CCNT2: variants seen among roughly 807,000 people sequenced by gnomAD.
CCNT2 encodes the protein cyclin T2, also known as cyclin-T2.
A neutral mutation model predicts 70.0 loss-of-function variants in CCNT2; 18 were observed. The observed-to-expected ratio is 0.26, with a 90% confidence interval of 0.18 to 0.38. The LOEUF (loss-of-function observed/expected upper bound fraction) is 0.38, where lower values mean the gene tolerates loss of function less well. Among genes scored for constraint, CCNT2 ranks in the 10% least tolerant of loss-of-function variants. The pLI, the probability that CCNT2 is intolerant of heterozygous loss-of-function variation, is 1.00. For missense variants in CCNT2, 734 were observed against 890.2 expected, an observed-to-expected ratio of 0.82 and a Z score of 2.23; for synonymous variants, 334 against 313.3, an observed-to-expected ratio of 1.07 and a Z score of -0.70.
chr2:134,957,522 A>G lies in CCNT2; in HGVS notation c.*2874A>G, dbSNP rs1028375946. The G allele has an allele frequency of 6.6e-6, 1 of 152,156 alleles. No individual in the cohort carries two copies. Among genetic ancestry groups the G allele is most frequent in the African/African-American group, 2.4e-5 (1 of 41,446 alleles). 9.4% of individuals were successfully genotyped at this position (152,156 alleles called of 1,614,324 possible). Reference sequence around the variant, plus strand: ...TCTACCTCTTCCATTCAGTTTTCCAATATTGAGCTGTGTCCCTCTGAATAT... The same window carrying G: ...TCTACCTCTTCCATTCAGTTTTCCAGTATTGAGCTGTGTCCCTCTGAATAT... On this transcript the variant is annotated 3_prime_UTR_variant, in exon 9 of 9. Transcript: ENST00000264157.
Position 134,953,745 on chromosome 2 carries a change from T to G in CCNT2, c.1290T>G (p.Ile430Met), listed in dbSNP as rs1682709710. The change falls in exon 9 of 9, where the codon ATT becomes ATG. Residue 430 changes from isoleucine (I) to methionine (M), a missense_variant. Around this residue, in one of 3 missense-constraint regions of CCNT2, gnomAD observed 532 missense variants for 556.9 expected, o/e 0.96. Transcript: ENST00000264157. ...CAATTTCCACTACTCCAGGAATAATTCCTCAGAAAATGTCTTTAGATAAAT... is the reference window on the plus strand; with the variant it reads ...CAATTTCCACTACTCCAGGAATAATGCCTCAGAAAATGTCTTTAGATAAAT... ...HGPISTTPGI[I>M]PQKMSLDKYR... 5 of 1,614,022 alleles carry G rather than the reference T, an allele frequency of 3.1e-6. No individual in the cohort carries two copies. Among genetic ancestry groups the G allele is most frequent in the Non-Finnish European group, 3.4e-6 (4 of 1,179,992 alleles).
chr2:134,925,099 C>T (rs1403805755), intron 2 of CCNT2, among the ~76,000 whole-genome samples: 1 of 152,138 alleles, frequency 6.6e-6, no homozygotes, highest in African/African-American at 2.4e-5. Context: ...TGTTAATGTT[C>T]TTTGGTCAGA....
intron 6 of CCNT2, among the ~76,000 whole-genome samples, chr2:134,947,314 A>T (rs1682055076): frequency 6.6e-6 from 1 of 152,194 alleles, no homozygotes; most frequent in Admixed American, 6.5e-5. Context: ...TTATTGTGAG[A>T]TTGAAATTAC....
intron 7 of CCNT2, among the ~76,000 whole-genome samples, chr2:134,950,196 G>A (rs2105082185): frequency 6.6e-6 from 1 of 152,314 alleles, no homozygotes. Context: ...CAGAGGTTAG[G>A]TTGTGGTTTA....
Position 134,918,961 on chromosome 2 carries a change from G to A in CCNT2, c.107G>A (p.Cys36Tyr). 1 of 1,613,760 alleles carries A rather than the reference G, an allele frequency of 6.2e-7. No individual in the cohort carries two copies. The highest frequency in any genetic ancestry group is 2.2e-5 in the East Asian group (1 of 44,858). The change falls in exon 1 of 9, where the codon TGC becomes TAC. Residue 36 changes from cysteine to tyrosine, a missense_variant. Transcript: ENST00000264157. Reference protein sequence around the residue: ...CGVEADKELSCRQQAANLIQE... With the variant: ...CGVEADKELSYRQQAANLIQE... ...GTGGAGGCGGATAAAGAGCTCTCGT[G>A]CCGCCAGCAGGCGGCCAACCTCATC...
rs147418434 is a variant in CCNT2, at chr2:134,919,527, G to C, written c.159-283G>C. On this transcript the variant is annotated intron_variant, in intron 1 of 8. Coordinates refer to ENST00000264157, the MANE Select transcript of CCNT2 (RefSeq NM_058241.3). Reference sequence around the variant, plus strand: ...GGGTGTGTGCGCGCGCGTTTCAACTGTTTCATTTTGAGTTTAGTTAGTCGT... The same window carrying C: ...GGGTGTGTGCGCGCGCGTTTCAACTCTTTCATTTTGAGTTTAGTTAGTCGT... Among the ~76,000 whole-genome samples, 383 of 152,216 alleles carry C rather than the reference G, an allele frequency of 2.5e-3. 1 individual carries two copies. Among genetic ancestry groups the C allele is most frequent in the African/African-American group, 8.7e-3 (362 of 41,526 alleles).
intron 5 of CCNT2, chr2:134,944,009 A>G (rs1573840073): frequency 3.1e-6 from 3 of 983,018 alleles, no homozygotes; most frequent in Non-Finnish European, 3.6e-6. Flanking sequence ...GTTAGTGGCT[A>G]CAATTTTTTA....
rs1007091937 is a variant in CCNT2 at position 134,959,291 on chromosome 2, T to A, written c.*4643T>A. 5 of 152,368 alleles carry A rather than the reference T, an allele frequency of 3.3e-5. No homozygotes were observed. The highest frequency in any genetic ancestry group is 1.2e-4 in the African/African-American group (5 of 41,592). The allele number at this position is 152,368 out of a possible 1,614,324, so 9.4% of individuals were successfully genotyped here. Reference sequence around the variant, plus strand: ...TATGGCATGAATTAGTCATTGACTTTAAGCTTCTTATCCATACAAGGAACT... The same window carrying A: ...TATGGCATGAATTAGTCATTGACTTAAAGCTTCTTATCCATACAAGGAACT... On this transcript the variant is annotated 3_prime_UTR_variant, in exon 9 of 9. Coordinates refer to ENST00000264157, the MANE Select transcript of CCNT2 (RefSeq NM_058241.3).
Position 134,922,130 on chromosome 2 carries a change from C to T in CCNT2, c.240+2239C>T, listed in dbSNP as rs567637333. ...AGTCGCTTTTAAATTTGTATTATTC[C>T]ACACCAGTGGGAAATTTTTTTCTAT... On this transcript the variant is annotated intron_variant, in intron 2 of 8. Coordinates refer to ENST00000264157, the MANE Select transcript of CCNT2 (RefSeq NM_058241.3). 3.9e-5 allele frequency among the ~76,000 whole-genome samples: 6 copies of T among 152,176 alleles called. No individual in the cohort carries two copies. In the East Asian group the frequency reaches 9.7e-4, roughly 25 times the overall value.
At position 134,945,507 on chromosome 2, in the gene CCNT2, G is replaced by C. The variant is rs191011617; in HGVS notation, c.494-594G>C. ...TCTTTCCTAAGTTAGTCTTTAATTA[G>C]ATTCTGTAATTTGAACTAAAATACA... On this transcript the variant is annotated intron_variant, in intron 5 of 8. Coordinates refer to ENST00000264157, the MANE Select transcript of CCNT2 (RefSeq NM_058241.3). 2,693 of 985,324 alleles carry C rather than the reference G, an allele frequency of 2.7e-3. 5 individuals carry two copies. Among genetic ancestry groups the C allele is most frequent in the Middle Eastern group, 4.7e-3 (9 of 1,914 alleles). The allele number at this position is 985,324 out of a possible 1,614,324, so 61.0% of individuals were successfully genotyped here. A position where few individuals can be genotyped will look rare whatever the true frequency, so the allele number is the denominator to read the frequency against.
chr2:134,936,794 TGAAA>T (rs1380662155), intron 2 of CCNT2, 43 bp from the exon 3 acceptor site: 2 of 1,531,336 alleles, frequency 1.3e-6, no homozygotes, highest in Non-Finnish European at 1.8e-6. Context: ...GAGGGTTTTT[TGAAA>T]TGTATTTGTT....
chr2:134,927,608 C>T (rs1680389588), intron 2 of CCNT2, among the ~76,000 whole-genome samples: 3 of 152,128 alleles, frequency 2.0e-5, no homozygotes, highest in African/African-American at 7.2e-5. Context: ...AGTATAAAAT[C>T]AGACAGATTT....
chr2:134,941,571 G>A (rs1681584410), intron 4 of CCNT2, among the ~76,000 whole-genome samples: 1 of 151,954 alleles, frequency 6.6e-6, no homozygotes, highest in Non-Finnish European at 1.5e-5. Context: ...ATTATTTGAA[G>A]TTTCTATAAA....
chr2:134,935,059 A>G (rs1235312984), intron 2 of CCNT2, among the ~76,000 whole-genome samples: 1 of 152,230 alleles, frequency 6.6e-6, no homozygotes, highest in Non-Finnish European at 1.5e-5. Context: ...TATATTATAC[A>G]TATTCATTCA....
rs115733197 is a variant in CCNT2 at position 134,936,134 on chromosome 2, C to G, written c.241-707C>G. ...CTAGAAAAGGAGTATAGTGGGTATA[C>G]TTGATCCGCTTTTCATCTTTTTTTT... On this transcript the variant is annotated intron_variant, in intron 2 of 8. Transcript: ENST00000264157. 2.5e-3 allele frequency among the ~76,000 whole-genome samples: 360 copies of G among 145,138 alleles called. 1 individual carries two copies. The highest frequency in any genetic ancestry group is 8.6e-3 in the African/African-American group (340 of 39,764).
At position 134,952,688 on chromosome 2, in the gene CCNT2, T is replaced by C; in HGVS notation, c.751T>C (p.Leu251=). ...LQILEKTPNR[L]KKIRNWRANQ... is the part of the protein sequence containing the mutation. ...AATATTGGAGAAAACGCCTAATAGG[T>C]TGAAGAAGATTCGAAACTGGAGGGT... is the stretch of plus-strand genomic sequence containing the variant. Residue 251 remains leucine, a synonymous_variant, in exon 8 of 9, where the codon TTG becomes CTG. Coordinates refer to ENST00000264157, the MANE Select transcript of CCNT2 (RefSeq NM_058241.3). 2.5e-6 allele frequency: 4 copies of C among 1,607,392 alleles called. No individual in the cohort carries two copies. The highest frequency in any genetic ancestry group is 1.3e-5 in the African/African-American group (1 of 74,672).
intron 5 of CCNT2, chr2:134,943,422 T>G (rs2105064918): frequency 1.0e-6 from 1 of 983,822 alleles, no homozygotes; most frequent in Non-Finnish European, 1.2e-6. Flanking sequence ...GTTATTTTTG[T>G]GGGGGGAGTG....
chr2:134,949,710 T>C (rs1330282862), intron 7 of CCNT2, among the ~76,000 whole-genome samples: 5 of 151,660 alleles, frequency 3.3e-5, no homozygotes, highest in Non-Finnish European at 7.4e-5. Context: ...TGAGGGCTTA[T>C]CTGTTCTATA....
chr2:134,948,496 T>C (rs1298852728), intron 7 of CCNT2, among the ~76,000 whole-genome samples: 2 of 152,196 alleles, frequency 1.3e-5, no homozygotes, highest in African/African-American at 4.8e-5. Context: ...GGGATTGTGT[T>C]TCTTGCTCTG....
Sources: gnomAD v4.1 joint callset for allele counts (sites outside exome capture counted in the v4.1 genomes callset) on GRCh38, gnomAD v4.1.1 for gene constraint, gnomAD v4.1.1 regional missense constraint, MANE v1.5 for transcripts, NCBI Gene and HGNC (gene_info 2026-07-23, HGNC 2026-07-21) for gene names.